Variants in KCNT1 observed in about 807,000 individuals in gnomAD.
The protein encoded by KCNT1 is potassium channel subfamily T member 1.
A neutral mutation model predicts 147.8 loss-of-function variants in KCNT1; 78 were observed. That is an observed-to-expected ratio of 0.53 (90% CI 0.44 to 0.64). The LOEUF (loss-of-function observed/expected upper bound fraction) is 0.64, where lower values mean the gene tolerates loss of function less well. KCNT1 is among the 30% of genes least tolerant of loss of function. KCNT1 has a pLI of 0.00. For synonymous variants in KCNT1, 867 were observed against 748.8 expected (o/e 1.16, Z -2.58); for missense variants, 1,419 against 1,750.3 (o/e 0.81, Z 3.38).
chr9:135,738,363 C>A (rs150570185), intron 2 of KCNT1, among the ~76,000 whole-genome samples: 235 of 152,334 alleles, frequency 1.5e-3, no homozygotes, highest in African/African-American at 5.4e-3. Flanking sequence ...CTGGAGCATT[C>A]ATACAACAGG....
chr9:135,758,981 G>A (rs977379504), intron 10 of KCNT1, among the ~76,000 whole-genome samples: 3 of 152,238 alleles, frequency 2.0e-5, no homozygotes, highest in Non-Finnish European at 2.9e-5. Flanking sequence ...GGGTCCCAGC[G>A]AGGCCTGGTC....
At chr9:135,749,491 C>T (rs566477227) in intron 2 of KCNT1, among the ~76,000 whole-genome samples, 3 of 152,148 alleles carry the variant, frequency 2.0e-5, no homozygotes, top group Non-Finnish European at 2.9e-5. Flanking sequence ...GGAAGGGGAG[C>T]GGCACTGGCT....
At position 135,778,697 on chromosome 9, in the gene KCNT1, C is replaced by T. The variant is rs780933950; in HGVS notation, c.2604C>T (p.Ser868=). 6.2e-7 allele frequency: 1 copy of T among 1,613,118 alleles called. No individual in the cohort carries two copies. ...YMEGSVDNLD[S]LLQCGIIYAD... ...TCGGTCCCGCCACCAGCCTGGACAG[C>T]CTGCTGCAGTGTGGCATCATCTATG... is the stretch of plus-strand genomic sequence containing the variant. The change falls in exon 23 of 31, where the codon AGC becomes AGT. Residue 868 remains serine (S), a synonymous_variant. Transcript: ENST00000371757.
In KCNT1 at chr9:135,702,315, C is replaced by G; in HGVS notation, c.57C>G (p.Gly19=). 2.5e-6 allele frequency: 4 copies of G among 1,610,784 alleles called. No homozygotes were observed. Among genetic ancestry groups the G allele is most frequent in the Non-Finnish European group, 3.4e-6 (4 of 1,178,882 alleles). The stretch of plus-strand genomic sequence containing the variant: ...GGGGCGTCTGCCGGGAGGCGCGCGG[C>G]GGGGGCTACACCAACCGGACCTTCG... ...TPGGVCREAR[G]GGYTNRTFEF... The change falls in exon 1 of 31, where the codon GGC becomes GGG. Residue 19 remains glycine (G), a synonymous_variant. Coordinates refer to ENST00000371757, the MANE Select transcript of KCNT1 (RefSeq NM_020822.3).
At chr9:135,787,368 C>T (rs572134757) in intron 29 of KCNT1, among the ~76,000 whole-genome samples, 1 of 152,342 alleles carries the variant, frequency 6.6e-6, no homozygotes, top group Admixed American at 6.5e-5. Context: ...CCATGGGCCC[C>T]AGCTCCCCAG....
chr9:135,783,156 T>G (rs1397088495), intron 24 of KCNT1, among the ~76,000 whole-genome samples: 2 of 152,170 alleles, frequency 1.3e-5, no homozygotes, highest in Non-Finnish European at 2.9e-5. Context: ...AGCCCGTGGA[T>G]GTACCGCCTC....
At chr9:135,771,494 G>A (rs1212340384) in intron 18 of KCNT1, among the ~76,000 whole-genome samples, 1 of 152,222 alleles carries the variant, frequency 6.6e-6, no homozygotes, top group Non-Finnish European at 1.5e-5. Flanking sequence ...TCCAAGTGGG[G>A]CCGCCCACAG....
At chr9:135,759,090 A>G (rs1281703264) in intron 10 of KCNT1, among the ~76,000 whole-genome samples, 2 of 152,168 alleles carry the variant, frequency 1.3e-5, no homozygotes, top group Admixed American at 6.5e-5. Flanking sequence ...CCTGCCCCTC[A>G]TGACAGACTG....
In KCNT1 at chr9:135,765,186, C is replaced by G; in HGVS notation, c.1191C>G (p.Pro397=). The G allele has an allele frequency of 6.2e-7, 1 of 1,611,498 alleles. No homozygotes were observed. ...MDFLNEFYAH[P]RLQDYYVVIL... ...TCCTGAACGAGTTCTACGCCCACCC[C>G]CGGCTCCAGGTGAGGCCCCTTACCG... The change falls in exon 12 of 31, where the codon CCC becomes CCG. Residue 397 remains proline, a synonymous_variant. Coordinates refer to ENST00000371757, the MANE Select transcript of KCNT1 (RefSeq NM_020822.3).
At chr9:135,726,897 CTTTCCCAT>C (rs1210018322) in intron 2 of KCNT1, among the ~76,000 whole-genome samples, 23 of 127,856 alleles carry the variant, frequency 1.8e-4, no homozygotes, top group Admixed American at 2.3e-4. Context: ...CTCTCTCCCT[CTTTCCCAT>C]TCTCTCTCTC....
chr9:135,719,533 G>A (rs1311049129), intron 2 of KCNT1, among the ~76,000 whole-genome samples: 1 of 152,162 alleles, frequency 6.6e-6, no homozygotes, highest in Non-Finnish European at 1.5e-5. Flanking sequence ...AGTGGGGAGG[G>A]GTGGGGCAGG....
chr9:135,709,816 G>C (rs1316792326), intron 1 of KCNT1, among the ~76,000 whole-genome samples: 6 of 152,188 alleles, frequency 3.9e-5, no homozygotes, highest in Admixed American at 2.6e-4. Context: ...GAGTAGCTGG[G>C]ATTATAGGTG....
Position 135,777,493 on chromosome 9 carries a change from G to A in KCNT1, c.2505G>A (p.Val835=), listed in dbSNP as rs1185008807. ...YRSRKELNPI[V]LLLDNKPDHH... ...CCCGCAAGGAGCTGAACCCCATCGT[G>A]CTGCTGCTGGACAACAAGTGAGGCT... Residue 835 remains valine (V), a synonymous_variant, in exon 21 of 31, where the codon GTG becomes GTA. Transcript: ENST00000371757. 1 of 1,613,516 alleles carries A rather than the reference G, an allele frequency of 6.2e-7. No homozygotes were observed. The highest frequency in any genetic ancestry group is 8.5e-7 in the Non-Finnish European group (1 of 1,179,876).
At position 135,752,399 on chromosome 9, in the gene KCNT1, A is replaced by G. The variant is rs879865985; in HGVS notation, c.434+1358A>G. The G allele has an allele frequency of 9.9e-5, 45 of 456,216 alleles. No homozygotes were observed. Among genetic ancestry groups the G allele is most frequent in the Non-Finnish European group, 1.7e-4 (38 of 226,872 alleles). 28.3% of individuals were successfully genotyped at this position (456,216 alleles called of 1,614,324 possible). Reference sequence around the variant, plus strand: ...TCTAGGTCAGAAGAGGGCAGAACCCACTAGGAGAGTTTGAGAAGGAGAACT... The same window carrying G: ...TCTAGGTCAGAAGAGGGCAGAACCCGCTAGGAGAGTTTGAGAAGGAGAACT... On this transcript the variant is annotated intron_variant, in intron 4 of 30. Transcript: ENST00000371757. The surrounding 1 kb of genome is among the most constrained non-coding windows in gnomAD (Gnocchi z 5.1).
intron 2 of KCNT1, among the ~76,000 whole-genome samples, chr9:135,745,688 C>T (rs756717670): frequency 9.2e-5 from 14 of 152,228 alleles, no homozygotes; most frequent in Non-Finnish European, 1.6e-4. Context: ...CGGGACACGC[C>T]GGGAGTTGGT....
chr9:135,706,142 C>G (rs987764006), intron 1 of KCNT1, among the ~76,000 whole-genome samples: 1 of 152,182 alleles, frequency 6.6e-6, no homozygotes, highest in African/African-American at 2.4e-5. Context: ...CCTCAGTTTC[C>G]TCATCTGTAG....
At position 135,778,442 on chromosome 9, in the gene KCNT1, G is replaced by A. The variant is rs764757515; in HGVS notation, c.2541G>A (p.Leu847=). 3 of 1,551,794 alleles carry A rather than the reference G, an allele frequency of 1.9e-6. No homozygotes were observed. The African/African-American group carries it at 4.1e-5, about 21-fold the overall frequency. The part of the protein sequence containing the change: ...LLDNKPDHHF[L]EAICCFPMVY... ...CCCACAGGCCCGACCACCACTTCCT[G>A]GAAGCCATCTGCTGCTTCCCCATGG... Residue 847 remains leucine, a synonymous_variant, in exon 22 of 31, where the codon CTG becomes CTA. Coordinates refer to ENST00000371757, the MANE Select transcript of KCNT1 (RefSeq NM_020822.3).
intron 2 of KCNT1, among the ~76,000 whole-genome samples, chr9:135,731,283 CG>C (rs1564327278): frequency 6.6e-6 from 1 of 152,222 alleles, no homozygotes; most frequent in African/African-American, 2.4e-5. Context: ...GCGCGGCTCG[CG>C]TTAGAATCTC....
At chr9:135,782,450 C>T (rs746622572) in intron 24 of KCNT1, among the ~76,000 whole-genome samples, 10 of 152,212 alleles carry the variant, frequency 6.6e-5, no homozygotes, top group Non-Finnish European at 1.5e-4. Flanking sequence ...AGGAGCCTTC[C>T]TTCAGGCTGG....
Sources: allele counts gnomAD v4.1 joint callset (sites outside exome capture counted in the v4.1 genomes callset), GRCh38; gene constraint gnomAD v4.1.1; non-coding constraint Gnocchi (gnomAD v3.1); transcripts MANE v1.5; gene names NCBI Gene and HGNC (gene_info 2026-07-23, HGNC 2026-07-21).